ATG9B: variants seen among roughly 807,000 people sequenced by gnomAD.
ATG9B encodes autophagy-related protein 9B.
ATG9B carries 92 observed loss-of-function variants against 92.9 expected under a neutral mutation model. That is an observed-to-expected ratio of 0.99 (90% CI 0.84 to 1.18). The LOEUF is 1.18. ATG9B is among the 50% of genes most tolerant of loss of function. The pLI is 0.00. For missense variants in ATG9B, 1,344 were observed against 1,235.0 expected, an observed-to-expected ratio of 1.09 and a Z score of -1.32; for synonymous variants, 599 against 551.4, an observed-to-expected ratio of 1.09 and a Z score of -1.21.
Position 151,019,090 on chromosome 7 carries a change from C to G in ATG9B, c.1248G>C (p.Trp416Cys), listed in dbSNP as rs1029771486. Residue 416 changes from tryptophan (W) to cysteine (C), a missense_variant, in exon 6 of 14, where the codon TGG (tryptophan) becomes TGC (cysteine). Transcript: ENST00000639579. ...RGPFSLFRGG[W>C]ELPHAYKRSD... is the part of the protein sequence containing the mutation. ...TGCGCTTGTAGGCGTGCGGCAGCTC[C>G]CAGCCCCCGCGGAAGAGCGAGAAGG... is the stretch of plus-strand genomic sequence containing the variant. 1 of 1,535,782 alleles carries G rather than the reference C, an allele frequency of 6.5e-7. No individual in the cohort carries two copies. The highest frequency in any genetic ancestry group is 8.7e-7 in the Non-Finnish European group (1 of 1,146,504).
chr7:151,022,696 C>G lies in ATG9B; in HGVS notation c.821+349G>C, dbSNP rs140917671. On this transcript the variant is annotated intron_variant, in intron 4 of 13. Coordinates refer to ENST00000639579, the MANE Select transcript of ATG9B (RefSeq NM_001317056.2). ...AAACCCTGTCTCTACTAAAAATACA[C>G]GTGGTGGTGCACGCCTATAATCCCA... 4.7e-3 allele frequency among the ~76,000 whole-genome samples: 709 copies of G among 151,696 alleles called. 5 individuals carry two copies. Among genetic ancestry groups the G allele is most frequent in the African/African-American group, 0.016 (664 of 41,412 alleles).
Position 151,024,099 on chromosome 7 carries a change from A to G in ATG9B, c.325T>C (p.Ser109Pro). ...TGGGATCCCCAGGAGGGAGATGCAG[A>G]GGCAGGTGTCATTGCAGGTTGAGCC... ...TQAQPAMTPA[S>P]ASPSWGSHST... is the part of the protein sequence containing the mutation. Residue 109 changes from serine (S) to proline (P), a missense_variant, in exon 1 of 14, where the codon TCT (serine) becomes CCT (proline). Coordinates refer to ENST00000639579, the MANE Select transcript of ATG9B (RefSeq NM_001317056.2). The G allele has an allele frequency of 6.2e-7, 1 of 1,606,060 alleles. No homozygotes were observed.
chr7:151,013,520 C>A (rs1584915067), downstream of ATG9B: 1 of 1,210,850 alleles, frequency 8.3e-7, no homozygotes, highest in Non-Finnish European at 1.1e-6. Context: ...TCTGGCCCAC[C>A]CTTGTGCCCC....
In ATG9B at chr7:151,018,884, G is replaced by T. The variant is rs1319390247; in HGVS notation, c.1454C>A (p.Ala485Glu). The change falls in exon 6 of 14, where the codon GCG becomes GAG. Residue 485 changes from alanine to glutamate, a missense_variant. Ala to Glu is a moderately radical substitution (Grantham distance 107). Coordinates refer to ENST00000639579, the MANE Select transcript of ATG9B (RefSeq NM_001317056.2). The surrounding 1 kb of genome is among the most constrained non-coding windows in gnomAD (Gnocchi z 4.7). Reference protein sequence around the residue: ...ALGARGWSRLARLQLRHFNEL... With the variant: ...ALGARGWSRLERLQLRHFNEL... The stretch of plus-strand genomic sequence containing the variant: ...GTTGAAGTGGCGCAGCTGCAAGCGC[G>T]CCAGGCGGGACCAGCCGCGCGCCCC... 4.2e-6 allele frequency: 6 copies of T among 1,422,812 alleles called. No individual in the cohort carries two copies. The African/African-American group carries it at 4.6e-5, about 11-fold the overall frequency. The allele number at this position is 1,422,812 out of a possible 1,614,324, so 88.1% of individuals were successfully genotyped here.
chr7:151,023,610 A>AC, intron 2 of ATG9B, 77 bp downstream of exon 2: 27 of 1,609,468 alleles, frequency 1.7e-5, no homozygotes, highest in Non-Finnish European at 2.3e-5. Flanking sequence ...GCCCTCACGG[A>AC]GTCTCCCTGC....
In ATG9B at chr7:151,024,407, C is replaced by G. The variant is rs748147377; in HGVS notation, c.17G>C (p.Gly6Ala). 2.9e-6 allele frequency: 4 copies of G among 1,370,842 alleles called. No individual in the cohort carries two copies. 84.9% of individuals were successfully genotyped at this position (1,370,842 alleles called of 1,614,324 possible). A position where few individuals can be genotyped will look rare whatever the true frequency, so the allele number is the denominator to read the frequency against. ...CAGCCGCCTTCTTCTCCCCCCCCAG[C>G]CCATTCGGCTCACCATCAGGCCACG... is the stretch of plus-strand genomic sequence containing the variant. MVSRM[G>A]WGGRRRRLGR... The change falls in exon 1 of 14, where the codon GGC (glycine) becomes GCC (alanine). Residue 6 changes from glycine (G) to alanine (A), a missense_variant. Gly to Ala is a moderately conservative substitution (Grantham distance 60). Transcript: ENST00000639579.
Position 151,024,019 on chromosome 7 carries a change from C to G in ATG9B, c.405G>C (p.Gln135His). 1 of 1,592,500 alleles carries G rather than the reference C, an allele frequency of 6.3e-7. No individual in the cohort carries two copies. Among genetic ancestry groups the G allele is most frequent in the Non-Finnish European group, 8.5e-7 (1 of 1,169,632 alleles). Residue 135 changes from glutamine to histidine, a missense_variant, in exon 1 of 14, where the codon CAG (glutamine) becomes CAC (histidine). By Grantham distance (24) the Gln-to-His change is conservative. Transcript: ENST00000639579. ...GGCCTACCCGCAGCCCAGGAGAGTC[C>G]TGGGGGCACTGCTGTGAGGGAGTGG... ...ATPTPSQQCP[Q>H]DSPGLRVGPL...
chr7:151,018,673 C>A lies in ATG9B; in HGVS notation c.1665G>T (p.Val555=). The part of the protein sequence containing the change: ...LTVYDEDVLA[V]EHVLTAMTAL... ...CGGTCATGGCGGTGAGCACGTGCTC[C>A]ACGGCTAGCACGTCCTCGTCGTAGA... Residue 555 remains valine (V), a synonymous_variant, in exon 6 of 14, where the codon GTG becomes GTT. Transcript: ENST00000639579. The surrounding 1 kb of genome is among the most constrained non-coding windows in gnomAD (Gnocchi z 4.7). 1 of 1,605,956 alleles carries A rather than the reference C, an allele frequency of 6.2e-7. No homozygotes were observed. The highest frequency in any genetic ancestry group is 8.5e-7 in the Non-Finnish European group (1 of 1,178,422).
rs758260577 is a variant in ATG9B at position 151,021,284 on chromosome 7, G to A, written c.867C>T (p.Ala289=). The A allele has an allele frequency of 2.1e-5, 34 of 1,613,380 alleles. 1 individual carries two copies. Among genetic ancestry groups the A allele is most frequent in the Admixed American group, 8.3e-5 (5 of 59,964 alleles). Reference sequence around the variant, plus strand: ...GAAGCAGTTGGACCAGCCAGAAGCCGGCAGCCAGGACCAGGAGGAGGACCA... The same window carrying A: ...GAAGCAGTTGGACCAGCCAGAAGCCAGCAGCCAGGACCAGGAGGAGGACCA... The part of the protein sequence containing the change: ...PLLVLLLVLA[A]GFWLVQLLRS... The change falls in exon 5 of 14, where the codon GCC becomes GCT. Residue 289 remains alanine, a synonymous_variant. Transcript: ENST00000639579.
At position 151,017,755 on chromosome 7, in the gene ATG9B, C is replaced by T. The variant is rs916506597; in HGVS notation, c.2052+116G>A. 7.0e-6 allele frequency: 9 copies of T among 1,282,452 alleles called. No homozygotes were observed. The Admixed American group carries it at 1.7e-4, about 24-fold the overall frequency. 79.4% of individuals were successfully genotyped at this position (1,282,452 alleles called of 1,614,324 possible). A position where few individuals can be genotyped will look rare whatever the true frequency, so the allele number is the denominator to read the frequency against. ...CGAGAGCACAGGAAGGGAAGTGACCCGCTCAACGGCACAGGTAGCAAGCAA... is the reference window on the plus strand; with the variant it reads ...CGAGAGCACAGGAAGGGAAGTGACCTGCTCAACGGCACAGGTAGCAAGCAA... On this transcript the variant is annotated intron_variant, in intron 8 of 13. Transcript: ENST00000639579.
chr7:151,017,542 C>T (rs916271247), intron 8 of ATG9B, among the ~76,000 whole-genome samples: 1 of 152,140 alleles, frequency 6.6e-6, no homozygotes, highest in African/African-American at 2.4e-5. Flanking sequence ...CCAGTCCTTA[C>T]TCAGCCCCAC....
chr7:151,016,361 C>T, intron 11 of ATG9B, 70 bp downstream of exon 11: 3 of 1,521,262 alleles, frequency 2.0e-6, no homozygotes, highest in Non-Finnish European at 2.7e-6. Flanking sequence ...TAGACTCCAC[C>T]CCACCTCAGT....
At chr7:151,014,257 T>G, downstream of ATG9B, 2 of 1,323,054 alleles carry the variant, frequency 1.5e-6, no homozygotes, top group Non-Finnish European at 2.1e-6. Flanking sequence ...TCCTCCCCTC[T>G]TGAGGTGGTG....
chr7:151,024,136 G>C lies in ATG9B; in HGVS notation c.288C>G (p.Thr96=). ...TTGCAGGTTGAGCCTGTGTTGGGGGGGTGGCTGGGATAGGGAGAGCACTGT... is the reference window on the plus strand; with the variant it reads ...TTGCAGGTTGAGCCTGTGTTGGGGGCGTGGCTGGGATAGGGAGAGCACTGT... The part of the protein sequence containing the change: ...SCHSALPIPA[T]PPTQAQPAMT... Residue 96 remains threonine, a synonymous_variant, in exon 1 of 14, where the codon ACC becomes ACG. Transcript: ENST00000639579. 4 of 1,588,820 alleles carry C rather than the reference G, an allele frequency of 2.5e-6. No homozygotes were observed. The highest frequency in any genetic ancestry group is 1.2e-5 in the South Asian group (1 of 86,240).
At position 151,016,168 on chromosome 7, in the gene ATG9B, C is replaced by T. The variant is rs1413727972; in HGVS notation, c.2588G>A (p.Cys863Tyr). ...EAAASILSRP[C>Y]SSPSQPPSPD... Reference sequence around the variant, plus strand: ...CGAGGGTGGCTGTGAGGGGCTGGAGCAGGGCCTGGACAGGATGGAGGCTGC... The same window carrying T: ...CGAGGGTGGCTGTGAGGGGCTGGAGTAGGGCCTGGACAGGATGGAGGCTGC... Residue 863 changes from cysteine (C) to tyrosine (Y), a missense_variant, in exon 12 of 14, where the codon TGC becomes TAC. By Grantham distance (194) the Cys-to-Tyr change is radical (BLOSUM62 -2). Transcript: ENST00000639579. The T allele has an allele frequency of 6.5e-6, 10 of 1,539,340 alleles. No individual in the cohort carries two copies. In the East Asian group the frequency reaches 2.2e-4, roughly 34 times the overall value.
Position 151,021,321 on chromosome 7 carries a change from G to A in ATG9B, c.830C>T (p.Ser277Phe). Residue 277 changes from serine to phenylalanine, a missense_variant, in exon 5 of 14, where the codon TCC (serine) becomes TTC (phenylalanine). Transcript: ENST00000639579. ...PSAQCAERIR[S>F]SPLLVLLLVL... ...CAGGAGGAGGACCAGCAGCGGGCTGGAGCGGATCCTGTATGGGGTTGGGCG... is the reference window on the plus strand; with the variant it reads ...CAGGAGGAGGACCAGCAGCGGGCTGAAGCGGATCCTGTATGGGGTTGGGCG... 1 of 1,608,050 alleles carries A rather than the reference G, an allele frequency of 6.2e-7. No homozygotes were observed. Among genetic ancestry groups the A allele is most frequent in the South Asian group, 1.1e-5 (1 of 90,278 alleles).
chr7:151,018,208 C>CCAGACAGACCCTCCGCG lies in ATG9B; in HGVS notation c.1872+69_1872+85dup, dbSNP rs201470938. 8.3e-4 allele frequency: 1,244 copies of CCAGACAGACCCTCCGCG among 1,493,152 alleles called. 6 individuals are homozygous for CCAGACAGACCCTCCGCG. In the African/African-American group the frequency reaches 0.011, roughly 13 times the overall value. The allele number at this position is 1,493,152 out of a possible 1,614,324, so 92.5% of individuals were successfully genotyped here. On this transcript the variant is annotated intron_variant, in intron 7 of 13. Coordinates refer to ENST00000639579, the MANE Select transcript of ATG9B (RefSeq NM_001317056.2). This position sits in a 1 kb window ranked among gnomAD's most constrained non-coding sequence, Gnocchi z 4.7. ...TAGTCCGTTTGTCTCATGCCCTCTC[C>CCAGACAGACCCTCCGCG]CAGACAGACCCTCCGCGCAGACAGA...
At chr7:151,022,624 G>A (rs1453452323) in intron 4 of ATG9B, among the ~76,000 whole-genome samples, 2 of 151,888 alleles carry the variant, frequency 1.3e-5, no homozygotes, top group African/African-American at 4.8e-5. Flanking sequence ...CAAAGTGGGT[G>A]GATCACCTGA....
At position 151,019,035 on chromosome 7, in the gene ATG9B, A is replaced by G; in HGVS notation, c.1303T>C (p.Trp435Arg). The change falls in exon 6 of 14, where the codon TGG (tryptophan) becomes CGG (arginine). Residue 435 changes from tryptophan (W) to arginine (R), a missense_variant. By Grantham distance (101) the Trp-to-Arg change is moderately radical (BLOSUM62 -3). Transcript: ENST00000639579. ...SDQRGALAARWGRTVLLLAAL... is the reference protein window; with the variant it reads ...SDQRGALAARRGRTVLLLAAL... The stretch of plus-strand genomic sequence containing the variant: ...GCCAGCAGCAGCACTGTGCGCCCCC[A>G]GCGCGCTGCTAGGGCGCCCCGCTGG... The G allele has an allele frequency of 6.5e-7, 1 of 1,544,562 alleles. No individual in the cohort carries two copies. Among genetic ancestry groups the G allele is most frequent in the Non-Finnish European group, 8.7e-7 (1 of 1,150,244 alleles).
Sources: allele counts gnomAD v4.1 joint callset (sites outside exome capture counted in the v4.1 genomes callset), GRCh38; gene constraint gnomAD v4.1.1; non-coding constraint Gnocchi (gnomAD v3.1); transcripts MANE v1.5; gene names NCBI Gene and HGNC (gene_info 2026-07-23, HGNC 2026-07-21).